The following SHANK1 variants were observed in gnomAD, a reference collection of about 807,000 sequenced individuals.
The protein encoded by SHANK1 is SH3 and multiple ankyrin repeat domains 1, also known as SH3 and multiple ankyrin repeat domains protein 1.
In SHANK1, 35 loss-of-function variants were observed where a neutral mutation model predicts 165.6. The observed-to-expected ratio is 0.21, with a 90% CI of 0.16 to 0.28. The LOEUF is 0.28. SHANK1 is among the 10% of genes least tolerant of loss of function. The pLI is 1.00. For synonymous variants in SHANK1, 1,428 were observed against 1,384.8 expected (o/e 1.03, Z -0.69); for missense variants, 2,681 against 3,036.4 (o/e 0.88, Z 2.75).
Position 50,669,196 on chromosome 19 carries a change from G to A in SHANK1, c.2764C>T (p.Pro922Ser). 6.2e-7 allele frequency: 1 copy of A among 1,608,890 alleles called. No homozygotes were observed. Among genetic ancestry groups the A allele is most frequent in the Non-Finnish European group, 8.5e-7 (1 of 1,177,754 alleles). ...TCCGGTGGGGACGTGGTGGGTGGCGGGGGAATGTCCTCCGAACCAGGCACA... is the reference window on the plus strand; with the variant it reads ...TCCGGTGGGGACGTGGTGGGTGGCGAGGGAATGTCCTCCGAACCAGGCACA... ...LSVPGSEDIP[P>S]PPTTSPPEPP... Residue 922 changes from proline (P) to serine (S), a missense_variant, in exon 23 of 24, where the codon CCG (proline) becomes TCG (serine). Physicochemically the swap from Pro to Ser is moderately conservative, Grantham distance 74. Coordinates refer to ENST00000293441, the MANE Select transcript of SHANK1 (RefSeq NM_016148.5).
intron 21 of SHANK1, among the ~76,000 whole-genome samples, chr19:50,675,261 A>T (rs142997155): frequency 5.9e-5 from 9 of 152,274 alleles, no homozygotes; most frequent in South Asian, 2.1e-4. Context: ...CCAAAAAGAC[A>T]AGTGTAAATT....
chr19:50,703,839 G>A lies in SHANK1; in HGVS notation c.1223-9C>T, dbSNP rs2123177758. ...GGACTCCTGGAAGGGCACTGAGAGG[G>A]CACAGTGGCGGCGGGGGGCAGATGT... On this transcript the variant is annotated splice_polypyrimidine_tract_variant and intron_variant, in intron 10 of 23. Transcript: ENST00000293441. 5.1e-6 allele frequency: 7 copies of A among 1,383,580 alleles called. No homozygotes were observed. The Admixed American group carries it at 1.5e-4, about 29-fold the overall frequency. The allele number at this position is 1,383,580 out of a possible 1,614,324, so 85.7% of individuals were successfully genotyped here.
rs2088894378 is a variant in SHANK1 at position 50,703,423 on chromosome 19, G to T, written c.1553+77C>A. ...CCTACAGAGGAAGGCAGCTGGGCTG[G>T]CCTCGGGGGAAGCCGCCGATCTGGA... is the stretch of plus-strand genomic sequence containing the variant. On this transcript the variant is annotated intron_variant, in intron 11 of 23. Transcript: ENST00000293441. 9 of 1,277,290 alleles carry T rather than the reference G, an allele frequency of 7.0e-6. No homozygotes were observed. The East Asian group carries it at 2.1e-4, about 29-fold the overall frequency. 79.1% of individuals were successfully genotyped at this position (1,277,290 alleles called of 1,614,324 possible). A position where few individuals can be genotyped will look rare whatever the true frequency, so the allele number is the denominator to read the frequency against.
At chr19:50,691,236 G>T (rs1185699333) in intron 15 of SHANK1, among the ~76,000 whole-genome samples, 1 of 152,114 alleles carries the variant, frequency 6.6e-6, no homozygotes, top group Non-Finnish European at 1.5e-5. Context: ...AGTGGACGGG[G>T]AAACTGGACA....
At position 50,668,868 on chromosome 19, in the gene SHANK1, G is replaced by A. The variant is rs1389019867; in HGVS notation, c.3092C>T (p.Ser1031Phe). Residue 1031 changes from serine to phenylalanine, a missense_variant, in exon 23 of 24, where the codon TCT (serine) becomes TTT (phenylalanine). Coordinates refer to ENST00000293441, the MANE Select transcript of SHANK1 (RefSeq NM_016148.5). ...CAGGCGGGGTGGAGGGTCGTCGGGA[G>A]AGCCGCCTGTCTCCATCTCGGGAGG... is the stretch of plus-strand genomic sequence containing the variant. The part of the protein sequence containing the change: ...PHPPEMETGG[S>F]PDDPPPRLAL... The A allele has an allele frequency of 7.0e-6, 9 of 1,294,374 alleles. No homozygotes were observed. The highest frequency in any genetic ancestry group is 8.8e-6 in the Non-Finnish European group (9 of 1,026,862). 80.2% of individuals were successfully genotyped at this position (1,294,374 alleles called of 1,614,324 possible). A position where few individuals can be genotyped will look rare whatever the true frequency, so the allele number is the denominator to read the frequency against.
At position 50,660,706 on chromosome 19, in the gene SHANK1, A is replaced by G. The variant is rs1469981473; in HGVS notation, c.*1259T>C. 5.7e-5 allele frequency among the ~76,000 whole-genome samples: 7 copies of G among 121,846 alleles called. No homozygotes were observed. The highest frequency in any genetic ancestry group is 3.2e-4 in the South Asian group (1 of 3,170). The allele number at this position is 121,846 out of a possible 152,430, so 79.9% of individuals were successfully genotyped here. On this transcript the variant is annotated 3_prime_UTR_variant, in exon 24 of 24. Transcript: ENST00000293441. ...TAAAGGGGAGAAACAAGGCTTCCGG[A>G]GAGCACTGAAAATGCTGGGGGGGGG...
chr19:50,693,289 C>T (rs1483627914), intron 15 of SHANK1, among the ~76,000 whole-genome samples: 1 of 147,114 alleles, frequency 6.8e-6, no homozygotes, highest in African/African-American at 2.5e-5. Context: ...GTGCTCCAGC[C>T]GCCACCCCTC....
In SHANK1 at chr19:50,659,362, G is replaced by A; in HGVS notation, c.*2603C>T. ...AGTCAGGGGAAGGGAGGTGATGGGG[G>A]GTAGGAATGAACCCCCATGTTATAA... On this transcript the variant is annotated 3_prime_UTR_variant, in exon 24 of 24. Transcript: ENST00000293441. 2 of 382,294 alleles carry A rather than the reference G, an allele frequency of 5.2e-6. No individual in the cohort carries two copies. The highest frequency in any genetic ancestry group is 9.2e-6 in the Non-Finnish European group (2 of 218,014). 23.7% of individuals were successfully genotyped at this position (382,294 alleles called of 1,614,324 possible).
At chr19:50,678,473 G>A (rs1342834051) in intron 21 of SHANK1, among the ~76,000 whole-genome samples, 1 of 151,562 alleles carries the variant, frequency 6.6e-6, no homozygotes, top group South Asian at 2.1e-4. Flanking sequence ...GAGGGTGAAG[G>A]TGATGAGGCA....
At chr19:50,673,297 G>C (rs1361059093) in intron 21 of SHANK1, among the ~76,000 whole-genome samples, 1 of 151,904 alleles carries the variant, frequency 6.6e-6, no homozygotes, top group Non-Finnish European at 1.5e-5. Flanking sequence ...CCCGTTCTAG[G>C]GAAGCCCACA....
chr19:50,710,596 C>T (rs1424595990), intron 8 of SHANK1, among the ~76,000 whole-genome samples: 2 of 152,186 alleles, frequency 1.3e-5, no homozygotes, highest in African/African-American at 4.8e-5. Flanking sequence ...GCCACGAGCC[C>T]CCCTGCCTGC....
rs1300822808 is a variant in SHANK1 at position 50,716,996 on chromosome 19, GC to G, written c.-43-35del. 7.3e-7 allele frequency: 1 copy of G among 1,375,798 alleles called. No homozygotes were observed. The allele number at this position is 1,375,798 out of a possible 1,614,324, so 85.2% of individuals were successfully genotyped here. ...GCCAAGGGCGGCCATCAGACTAGGA[GC>G]CCGGGACCCCTCAGAGGCCGCAGGC... On this transcript the variant is annotated intron_variant, in intron 1 of 23. Coordinates refer to ENST00000293441, the MANE Select transcript of SHANK1 (RefSeq NM_016148.5). The surrounding 1 kb of genome is among the most constrained non-coding windows in gnomAD (Gnocchi z 8.4).
Position 50,666,803 on chromosome 19 carries a change from G to A in SHANK1, c.5157C>T (p.Ala1719=), listed in dbSNP as rs1985540050. The change falls in exon 23 of 24, where the codon GCC becomes GCT. Residue 1719 remains alanine (A), a synonymous_variant. Coordinates refer to ENST00000293441, the MANE Select transcript of SHANK1 (RefSeq NM_016148.5). ...GGGGGAGAGV[A]SGPELLDTYV... ...AGGTGTCCAGAAGCTCCGGCCCACT[G>A]GCCACACCGGCCCCAGCCCCGCCCC... The A allele has an allele frequency of 6.5e-7, 1 of 1,549,740 alleles. No homozygotes were observed. Among genetic ancestry groups the A allele is most frequent in the Non-Finnish European group, 8.7e-7 (1 of 1,147,680 alleles).
intron 8 of SHANK1, among the ~76,000 whole-genome samples, chr19:50,705,603 C>A (rs2088928983): frequency 6.6e-6 from 1 of 151,934 alleles, no homozygotes; most frequent in Non-Finnish European, 1.5e-5. Flanking sequence ...GAGTAGCATC[C>A]CCGGTCTCTA....
intron 8 of SHANK1, among the ~76,000 whole-genome samples, chr19:50,707,915 TC>T (rs2088963030): frequency 1.5e-5 from 1 of 64,696 alleles, no homozygotes; most frequent in Admixed American, 2.4e-4. Context: ...TCTTTTCTTT[TC>T]TTTTCTTTTC....
rs1296659958 is a variant in SHANK1 at position 50,717,110 on chromosome 19, C to T, written c.-43-148G>A. On this transcript the variant is annotated intron_variant, in intron 1 of 23. Transcript: ENST00000293441. This position sits in a 1 kb window ranked among gnomAD's most constrained non-coding sequence, Gnocchi z 5.5. ...AGGCTGGACACACCCTCGGCCTGCA[C>T]GGCCTCCCCTGCCGCCTCCTCCCAC... The T allele has an allele frequency of 2.6e-5, 15 of 568,470 alleles. No homozygotes were observed. The highest frequency in any genetic ancestry group is 3.9e-5 in the African/African-American group (2 of 51,668). 35.2% of individuals were successfully genotyped at this position (568,470 alleles called of 1,614,324 possible).
At chr19:50,703,377 C>T in intron 11 of SHANK1, 123 bp downstream of exon 11, 2 of 789,248 alleles carry the variant, frequency 2.5e-6, no homozygotes, top group Non-Finnish European at 3.9e-6. Context: ...CCCAAGGTGA[C>T]ACTAGGGACT....
chr19:50,666,060 G>C, intron 23 of SHANK1, 132 bp downstream of exon 23: 1 of 750,548 alleles, frequency 1.3e-6, no homozygotes, highest in Non-Finnish European at 2.0e-6. Flanking sequence ...ATTTGTGAAA[G>C]CATGCTTCTG....
chr19:50,705,397 T>G (rs2088926600), intron 8 of SHANK1, among the ~76,000 whole-genome samples: 1 of 152,240 alleles, frequency 6.6e-6, no homozygotes, highest in Non-Finnish European at 1.5e-5. Context: ...ATGTTTTAGA[T>G]ACACTGTTAT....
Sources: gnomAD v4.1 joint callset for allele counts (sites outside exome capture counted in the v4.1 genomes callset) on GRCh38, gnomAD v4.1.1 for gene constraint, Gnocchi (gnomAD v3.1) non-coding constraint, MANE v1.5 for transcripts, NCBI Gene and HGNC (gene_info 2026-07-23, HGNC 2026-07-21) for gene names.